The following CARMIL1 variants were observed in gnomAD, a reference collection of about 807,000 sequenced individuals.
CARMIL1 encodes F-actin-uncapping protein LRRC16A.
CARMIL1 carries 90 observed loss-of-function variants against 177.1 expected under a neutral mutation model. The ratio of observed to expected loss-of-function variants is 0.51; its 90% CI spans 0.43 to 0.61. The LOEUF (loss-of-function observed/expected upper bound fraction) is 0.61. CARMIL1 is among the 20% of genes least tolerant of loss of function. The probability of loss-of-function intolerance (pLI) is 0.00; values close to 1 mark genes in which losing one functional copy is unlikely to be tolerated. For synonymous variants in CARMIL1, 577 were observed against 606.2 expected (o/e 0.95, Z 0.71); for missense variants, 1,380 against 1,667.0 (o/e 0.83, Z 3.00).
chr6:25,459,276 T>TCTTTCTTTCTTTCTTTCTTTCTTTCTTTC (rs1210756365), intron 8 of CARMIL1, among the ~76,000 whole-genome samples: 1 of 134,650 alleles, frequency 7.4e-6, no homozygotes, highest in East Asian at 2.1e-4. Context: ...CTTTTTTTTT[T>TCTTTCTTTCTTTCTTTCTTTCTTTCTTTC]TTTTAAGACA....
intron 2 of CARMIL1, among the ~76,000 whole-genome samples, chr6:25,353,716 A>G (rs986405114): frequency 2.0e-5 from 3 of 152,188 alleles, no homozygotes; most frequent in Non-Finnish European, 4.4e-5. Context: ...TTTCTCTTAG[A>G]TTCTTCAACA....
chr6:25,556,609 G>T (rs1810622399), intron 28 of CARMIL1, 92 bp from the exon 29 acceptor site: 3 of 1,219,846 alleles, frequency 2.5e-6, no homozygotes, highest in Non-Finnish European at 3.4e-6. Flanking sequence ...GTGCTCCACT[G>T]CGCCATCTTG....
chr6:25,554,345 TTA>T lies in CARMIL1; in HGVS notation c.2592+251_2592+252del, dbSNP rs1810418461. Among the ~76,000 whole-genome samples the T allele has an allele frequency of 6.6e-6, 1 of 152,198 alleles. No homozygotes were observed. ...TGTATCCAGAAATCTTATTGTTCAT[TTA>T]TTATAAAGGTCAAAAGCTTGGGGAA... On this transcript the variant is annotated intron_variant, in intron 28 of 36. Transcript: ENST00000329474. This position sits in a 1 kb window ranked among gnomAD's most constrained non-coding sequence, Gnocchi z 4.6.
At chr6:25,578,946 T>TAAG in intron 29 of CARMIL1, among the ~76,000 whole-genome samples, 1 of 152,228 alleles carries the variant, frequency 6.6e-6, no homozygotes, top group East Asian at 1.9e-4. Flanking sequence ...CTTTGAGTGA[T>TAAG]ATCAACCATC....
intron 24 of CARMIL1, among the ~76,000 whole-genome samples, chr6:25,535,396 A>G (rs1042916159): frequency 6.6e-6 from 1 of 152,172 alleles, no homozygotes; most frequent in Non-Finnish European, 1.5e-5. Flanking sequence ...AAGAGAGCAT[A>G]TGATTGTGCA....
At chr6:25,573,335 T>C (rs1180412957) in intron 29 of CARMIL1, among the ~76,000 whole-genome samples, 2 of 152,260 alleles carry the variant, frequency 1.3e-5, no homozygotes, top group Admixed American at 6.5e-5. Flanking sequence ...AAATTACTTT[T>C]CATGTTAAAG....
chr6:25,366,805 A>G (rs527358990), intron 2 of CARMIL1, among the ~76,000 whole-genome samples: 1 of 152,234 alleles, frequency 6.6e-6, no homozygotes, highest in Non-Finnish European at 1.5e-5. Flanking sequence ...GTGTCAGTTT[A>G]ATATAAGTGT....
chr6:25,568,897 C>T (rs1811810253), intron 29 of CARMIL1, among the ~76,000 whole-genome samples: 2 of 152,136 alleles, frequency 1.3e-5, no homozygotes, highest in Non-Finnish European at 2.9e-5. Flanking sequence ...TTAAATCAAA[C>T]AATAGCTAAG....
intron 8 of CARMIL1, chr6:25,452,668 A>G (rs1359888470): frequency 6.5e-6 from 1 of 153,132 alleles, no homozygotes; most frequent in African/African-American, 2.4e-5. Flanking sequence ...GAAGAGTGGC[A>G]TTGGCTTATC....
At chr6:25,482,155 G>T in intron 11 of CARMIL1, 102 bp from the exon 12 acceptor site, 1 of 642,156 alleles carries the variant, frequency 1.6e-6, no homozygotes, top group South Asian at 1.9e-5. Context: ...AGAAAAATAT[G>T]ATCACTTCAG....
Position 25,570,839 on chromosome 6 carries a change from T to G in CARMIL1, c.2743-10085T>G, listed in dbSNP as rs576577383. ...CTAAATCTCTACATATCATTCCTCC[T>G]TTTGTCCATTGATTTATTGCAGCTT... On this transcript the variant is annotated intron_variant, in intron 29 of 36. Transcript: ENST00000329474. Among the ~76,000 whole-genome samples, 4 of 152,326 alleles carry G rather than the reference T, an allele frequency of 2.6e-5. No homozygotes were observed. In the South Asian group the frequency reaches 8.3e-4, roughly 32 times the overall value.
intron 2 of CARMIL1, among the ~76,000 whole-genome samples, chr6:25,360,197 A>G (rs1221603768): frequency 6.6e-6 from 1 of 152,210 alleles, no homozygotes; most frequent in Non-Finnish European, 1.5e-5. Flanking sequence ...AGAACATTGG[A>G]TTAGGAAGAA....
chr6:25,591,315 G>T (rs774047751), intron 31 of CARMIL1, among the ~76,000 whole-genome samples: 2 of 152,188 alleles, frequency 1.3e-5, no homozygotes, highest in African/African-American at 4.8e-5. Context: ...CAGCATTCAC[G>T]AGTTATCCTT....
intron 31 of CARMIL1, among the ~76,000 whole-genome samples, chr6:25,587,011 A>G (rs1453294325): frequency 9.8e-6 from 1 of 101,776 alleles, no homozygotes; most frequent in East Asian, 3.2e-4. Context: ...ACAGAGGGAG[A>G]GGGAGAGGGA....
At chr6:25,309,175 A>G (rs1268073673) in intron 2 of CARMIL1, among the ~76,000 whole-genome samples, 1 of 152,154 alleles carries the variant, frequency 6.6e-6, no homozygotes, top group Non-Finnish European at 1.5e-5. Context: ...GGCATGAGCC[A>G]TCACACCTAG....
chr6:25,343,316 CTTT>C (rs5875030), intron 2 of CARMIL1, among the ~76,000 whole-genome samples: 28 of 135,400 alleles, frequency 2.1e-4, no homozygotes, highest in Non-Finnish European at 2.6e-4. Flanking sequence ...AGTATTTTTG[CTTT>C]TTTTTTTTTT....
chr6:25,416,148 G>A (rs76693146), intron 2 of CARMIL1, among the ~76,000 whole-genome samples: 2,873 of 152,302 alleles, frequency 0.019, 46 homozygotes, highest in Non-Finnish European at 0.029. Context: ...ACGCAGACCA[G>A]TAGGGATTGG....
At position 25,515,620 on chromosome 6, in the gene CARMIL1, G is replaced by C; in HGVS notation, c.1633-55G>C. On this transcript the variant is annotated intron_variant, in intron 20 of 36. Transcript: ENST00000329474. This position sits in a 1 kb window ranked among gnomAD's most constrained non-coding sequence, Gnocchi z 5.0. ...CATTCTCCACGAAATGCGTCGTGGA[G>C]AGTGGGTGCTGCTTTGATGAGACTG... The C allele has an allele frequency of 1.3e-6, 2 of 1,508,078 alleles. No homozygotes were observed. The highest frequency in any genetic ancestry group is 4.9e-5 in the East Asian group (2 of 41,026). 93.4% of individuals were successfully genotyped at this position (1,508,078 alleles called of 1,614,324 possible).
chr6:25,394,833 G>A (rs946588645), intron 2 of CARMIL1, among the ~76,000 whole-genome samples: 2 of 152,112 alleles, frequency 1.3e-5, no homozygotes, highest in African/African-American at 4.8e-5. Flanking sequence ...CAGCAAATGA[G>A]TACTACCTAT....
Sources: allele counts gnomAD v4.1 joint callset (sites outside exome capture counted in the v4.1 genomes callset), GRCh38; gene constraint gnomAD v4.1.1; non-coding constraint Gnocchi (gnomAD v3.1); transcripts MANE v1.5; gene names NCBI Gene and HGNC (gene_info 2026-07-23, HGNC 2026-07-21).